Variants in CD163 observed in about 807,000 individuals in gnomAD.
CD163 encodes the protein scavenger receptor cysteine-rich type 1 protein M130.
Under a neutral mutation model 129.2 loss-of-function variants are expected in CD163, and 64 were observed. That is an observed-to-expected ratio of 0.50 (90% CI 0.41 to 0.61). CD163 has a LOEUF of 0.61. Ranked by LOEUF, CD163 falls within the 20% of genes least tolerant of loss-of-function variation. CD163 has a pLI of 0.00. For missense variants in CD163, 1,061 were observed against 1,377.9 expected, an observed-to-expected ratio of 0.77 and a Z score of 3.64; for synonymous variants, 446 against 478.5, an observed-to-expected ratio of 0.93 and a Z score of 0.89.
At chr12:7,483,281 A>C in intron 12 of CD163, 86 bp downstream of exon 12, 1 of 1,265,780 alleles carries the variant, frequency 7.9e-7, no homozygotes. Context: ...GTGCTGATAA[A>C]TCCGGTTTTT....
Position 7,496,915 on chromosome 12 carries a change from C to A in CD163, c.997G>T (p.Val333Phe). Reference protein sequence around the residue: ...KGFGHIWLDSVSCQGHEPAIW... With the variant: ...KGFGHIWLDSFSCQGHEPAIW... ...GCAGGTTCATGTCCCTGGCAAGAAA[C>A]GCTGTCAAGCCAGATGTGTCCAAAT... Residue 333 changes from valine to phenylalanine, a missense_variant, in exon 5 of 17, where the codon GTT (valine) becomes TTT (phenylalanine). Val to Phe is a conservative substitution (Grantham distance 50). Coordinates refer to ENST00000432237, the MANE Select transcript of CD163 (RefSeq NM_203416.4). This position sits in a 1 kb window ranked among gnomAD's most constrained non-coding sequence, Gnocchi z 4.8. 6.2e-7 allele frequency: 1 copy of A among 1,614,058 alleles called. No individual in the cohort carries two copies. The highest frequency in any genetic ancestry group is 8.5e-7 in the Non-Finnish European group (1 of 1,179,950).
chr12:7,499,085 G>C lies in CD163; in HGVS notation c.561C>G (p.Asn187Lys), dbSNP rs768791323. ...TGACAGATGCATGATCTATGTTGAA[G>C]TTATCATCACACACTGTTCCCCACC... ...QGRWGTVCDDNFNIDHASVIC... is the reference protein window; with the variant it reads ...QGRWGTVCDDKFNIDHASVIC... The change falls in exon 4 of 17, where the codon AAC becomes AAG. Residue 187 changes from asparagine (N) to lysine (K), a missense_variant. By Grantham distance (94) the Asn-to-Lys change is moderately conservative (BLOSUM62 0). Coordinates refer to ENST00000432237, the MANE Select transcript of CD163 (RefSeq NM_203416.4). The C allele has an allele frequency of 1.9e-6, 3 of 1,614,128 alleles. No homozygotes were observed. In the South Asian group the frequency reaches 3.3e-5, roughly 18 times the overall value.
chr12:7,480,898 A>C, intron 15 of CD163: 1 of 1,101,610 alleles, frequency 9.1e-7, no homozygotes, highest in South Asian at 4.1e-5. Flanking sequence ...AATGAGGTCC[A>C]AGTCATAATA....
chr12:7,485,478 C>T lies in CD163; in HGVS notation c.2459-62G>A, dbSNP rs1422363534. On this transcript the variant is annotated intron_variant, in intron 10 of 16. Transcript: ENST00000432237. The surrounding 1 kb of genome is among the most constrained non-coding windows in gnomAD (Gnocchi z 4.5). ...TTCTGAAGATTCAGAGACTCCTTCC[C>T]TTTACCTTGATGTAAGAATGGCTTT... is the stretch of plus-strand genomic sequence containing the variant. 3 of 1,343,684 alleles carry T rather than the reference C, an allele frequency of 2.2e-6. No individual in the cohort carries two copies. The highest frequency in any genetic ancestry group is 3.9e-5 in the Admixed American group (2 of 51,214). 83.2% of individuals were successfully genotyped at this position (1,343,684 alleles called of 1,614,324 possible).
intron 2 of CD163, among the ~76,000 whole-genome samples, chr12:7,502,094 C>T (rs1281166307): frequency 1.3e-5 from 2 of 152,090 alleles, no homozygotes; most frequent in Non-Finnish European, 2.9e-5. Flanking sequence ...GAATCTGGTC[C>T]CACCAACCTG....
At chr12:7,502,364 G>T in intron 2 of CD163, 114 bp downstream of exon 2, 1 of 756,050 alleles carries the variant, frequency 1.3e-6, no homozygotes. Flanking sequence ...TTGAATACAT[G>T]GAGCATGTCA....
At chr12:7,488,363 T>C (rs1363292711) in intron 6 of CD163, among the ~76,000 whole-genome samples, 2 of 152,186 alleles carry the variant, frequency 1.3e-5, no homozygotes, top group Non-Finnish European at 2.9e-5. Flanking sequence ...TCTTCCAAAA[T>C]TTTGCTTACT....
intron 16 of CD163, among the ~76,000 whole-genome samples, chr12:7,475,071 G>A (rs997570591): frequency 7.9e-6 from 1 of 127,268 alleles, no homozygotes; most frequent in Non-Finnish European, 1.6e-5. Context: ...TTATGAAATT[G>A]AGGCAGTAAG....
rs557927177 is a variant in CD163 at position 7,492,784 on chromosome 12, T to C, written c.1420+2297A>G. 2.8e-4 allele frequency among the ~76,000 whole-genome samples: 43 copies of C among 152,232 alleles called. No individual in the cohort carries two copies. The Middle Eastern group carries it at 0.01, about 36-fold the overall frequency. ...AGTCCTATAATTTGGAATTGAAGAA[T>C]TGAAGAAAAAACTCTAAGTATCCTG... On this transcript the variant is annotated intron_variant, in intron 6 of 16. Transcript: ENST00000432237.
rs374393960 is a variant in CD163, at chr12:7,477,316, G to A, written c.*31+2544C>T. 2.5e-4 allele frequency among the ~76,000 whole-genome samples: 38 copies of A among 152,160 alleles called. No homozygotes were observed. In the South Asian group the frequency reaches 7.7e-3, roughly 31 times the overall value. On this transcript the variant is annotated intron_variant, in intron 16 of 16. Coordinates refer to ENST00000432237, the MANE Select transcript of CD163 (RefSeq NM_203416.4). ...GTTTATTGCAGCACTATTCACAATA[G>A]CAAAGACATGGAACCAACTTAAATG... is the stretch of plus-strand genomic sequence containing the variant.
chr12:7,490,043 A>T (rs999972058), intron 6 of CD163, among the ~76,000 whole-genome samples: 1 of 152,050 alleles, frequency 6.6e-6, no homozygotes, highest in Non-Finnish European at 1.5e-5. Context: ...ATTTCTCACT[A>T]ATAGCCTTCT....
chr12:7,502,435 C>A, intron 2 of CD163, 43 bp downstream of exon 2: 1 of 1,258,298 alleles, frequency 7.9e-7, no homozygotes, highest in South Asian at 1.2e-5. Flanking sequence ...CTGTTCTTGT[C>A]AGAGTGGGCT....
chr12:7,478,292 G>T (rs1049738759), intron 16 of CD163, among the ~76,000 whole-genome samples: 1 of 152,050 alleles, frequency 6.6e-6, no homozygotes, highest in South Asian at 2.1e-4. Context: ...TTCTCCAAAG[G>T]CTACCTACCA....
At chr12:7,483,811 T>TTA (rs199530825) in intron 11 of CD163, 136 bp from the exon 12 acceptor site, 2,684 of 128,720 alleles carry the variant, frequency 0.021, 127 homozygotes, top group East Asian at 0.099. Context: ...ATATTAAAAT[T>TTA]TATATATATA....
At chr12:7,495,464 T>A (rs1036603243) in intron 5 of CD163, 63 bp from the exon 6 acceptor site, 41 of 1,454,036 alleles carry the variant, frequency 2.8e-5, no homozygotes, top group Non-Finnish European at 3.8e-5. Context: ...AGAGGATTTT[T>A]TTTTGTCTTT....
chr12:7,477,696 G>A (rs766246203), intron 16 of CD163, among the ~76,000 whole-genome samples: 9 of 152,114 alleles, frequency 5.9e-5, no homozygotes, highest in South Asian at 2.1e-4. Context: ...ACCATGACAC[G>A]TGTATACCTA....
In CD163 at chr12:7,482,984, G is replaced by C. The variant is rs1949183708; in HGVS notation, c.3109C>G (p.Pro1037Ala). Reference sequence around the variant, plus strand: ...GATATACCTGTTGTGGCTTTTTGTGGGGTTTTCTGCACTGAAATATCTGTA... The same window carrying C: ...GATATACCTGTTGTGGCTTTTTGTGCGGTTTTCTGCACTGAAATATCTGTA... The part of the protein sequence containing the change: ...NCTDISVQKT[P>A]QKATTGRSSR... The change falls in exon 13 of 17, where the codon CCA (proline) becomes GCA (alanine). Residue 1037 changes from proline to alanine, a missense_variant. Transcript: ENST00000432237. 6.2e-7 allele frequency: 1 copy of C among 1,613,642 alleles called. No homozygotes were observed. The highest frequency in any genetic ancestry group is 8.5e-7 in the Non-Finnish European group (1 of 1,179,870).
chr12:7,497,493 A>C (rs763227446), intron 4 of CD163, among the ~76,000 whole-genome samples: 1 of 152,316 alleles, frequency 6.6e-6, no homozygotes, highest in Non-Finnish European at 1.5e-5. Flanking sequence ...CTCATCCTTC[A>C]GTTTGCCTCC....
intron 10 of CD163, 38 bp downstream of exon 10, chr12:7,486,461 C>T: frequency 6.4e-7 from 1 of 1,566,702 alleles, no homozygotes. Flanking sequence ...AGTCCTTTCT[C>T]TATGTAATTA....
Sources: allele counts gnomAD v4.1 joint callset (sites outside exome capture counted in the v4.1 genomes callset), GRCh38; gene constraint gnomAD v4.1.1; non-coding constraint Gnocchi (gnomAD v3.1); transcripts MANE v1.5; gene names NCBI Gene and HGNC (gene_info 2026-07-23, HGNC 2026-07-21).